METTL14: variants seen among roughly 807,000 people sequenced by gnomAD.
The protein encoded by METTL14 is methyltransferase 14, N6-adenosine-methyltransferase non-catalytic subunit, also known as N(6)-adenosine-methyltransferase non-catalytic subunit METTL14.
A neutral mutation model predicts 62.4 loss-of-function variants in METTL14; 32 were observed. That is an observed-to-expected ratio of 0.51 (90% CI 0.39 to 0.69). The LOEUF (loss-of-function observed/expected upper bound fraction) is 0.69. Among genes scored for constraint, METTL14 ranks in the 30% least tolerant of loss-of-function variants. The probability of loss-of-function intolerance (pLI) is 0.00; values close to 1 mark genes in which losing one functional copy is unlikely to be tolerated. For synonymous variants in METTL14, 150 were observed against 180.0 expected, an observed-to-expected ratio of 0.83 and a Z score of 1.34; for missense variants, 340 against 551.9, an observed-to-expected ratio of 0.62 and a Z score of 3.85.
Position 118,685,803 on chromosome 4 carries a change from G to T in METTL14, c.66+203G>T, listed in dbSNP as rs541904840. Among the ~76,000 whole-genome samples, 8 of 152,114 alleles carry T rather than the reference G, an allele frequency of 5.3e-5. No individual in the cohort carries two copies. The East Asian group carries it at 1.2e-3, about 22-fold the overall frequency. The stretch of plus-strand genomic sequence containing the variant: ...CGAATGTTTTTCCAGTTCCTTCCGC[G>T]GTCTTTGTGGTGCTAAACCGAATGC... On this transcript the variant is annotated intron_variant, in intron 1 of 10. Transcript: ENST00000388822.
At chr4:118,694,374 T>C in intron 5 of METTL14, 62 bp from the exon 6 acceptor site, 1 of 1,354,080 alleles carries the variant, frequency 7.4e-7, no homozygotes, top group Non-Finnish European at 1.0e-6. Flanking sequence ...CTCATAACTT[T>C]TGAATTACTG....
Position 118,715,168 on chromosome 4 carries a change from C to A in METTL14, c.*4866C>A, listed in dbSNP as rs1222320088. On this transcript the variant is annotated 3_prime_UTR_variant, in exon 11 of 11. Coordinates refer to ENST00000388822, the MANE Select transcript of METTL14 (RefSeq NM_020961.4). The stretch of plus-strand genomic sequence containing the variant: ...TCACAAAATACACCTTTTAGATAAT[C>A]CTTACCTGTACAGATTTTTATAACT... The A allele has an allele frequency of 5.3e-5, 8 of 152,176 alleles. No individual in the cohort carries two copies. Among genetic ancestry groups the A allele is most frequent in the Admixed American group, 2.6e-4 (4 of 15,282 alleles). 9.4% of individuals were successfully genotyped at this position (152,176 alleles called of 1,614,324 possible). A position where few individuals can be genotyped will look rare whatever the true frequency, so the allele number is the denominator to read the frequency against.
intron 9 of METTL14, 50 bp downstream of exon 9, chr4:118,704,101 A>G: frequency 8.7e-7 from 1 of 1,143,440 alleles, no homozygotes; most frequent in Non-Finnish European, 1.3e-6. Flanking sequence ...TTTTCTCTCA[A>G]GCTTTTCCAA....
intron 9 of METTL14, 90 bp from the exon 10 acceptor site, chr4:118,705,521 T>G: frequency 1.0e-6 from 1 of 994,652 alleles, no homozygotes; most frequent in Non-Finnish European, 1.6e-6. Flanking sequence ...GAAATGAGGA[T>G]TGTTTTAGAA....
intron 7 of METTL14, among the ~76,000 whole-genome samples, chr4:118,699,144 G>A (rs909753963): frequency 3.0e-4 from 46 of 152,238 alleles, no homozygotes; most frequent in African/African-American, 9.2e-4. Flanking sequence ...TGGAAGACGT[G>A]TTTCTTAGGA....
chr4:118,702,443 G>C (rs919301554), intron 8 of METTL14, among the ~76,000 whole-genome samples: 8 of 152,086 alleles, frequency 5.3e-5, no homozygotes, highest in African/African-American at 1.7e-4. Flanking sequence ...TAAATATTTA[G>C]TAACAGGAAC....
intron 6 of METTL14, among the ~76,000 whole-genome samples, chr4:118,695,544 G>A (rs1284532255): frequency 6.6e-6 from 1 of 152,028 alleles, no homozygotes; most frequent in Admixed American, 6.6e-5. Flanking sequence ...GTGAGACTCC[G>A]TATTCTTGAT....
At position 118,685,780 on chromosome 4, in the gene METTL14, A is replaced by G. The variant is rs1724035597; in HGVS notation, c.66+180A>G. Among the ~76,000 whole-genome samples the G allele has an allele frequency of 2.0e-5, 3 of 151,860 alleles. No homozygotes were observed. The South Asian group carries it at 6.3e-4, about 32-fold the overall frequency. On this transcript the variant is annotated intron_variant, in intron 1 of 10. Coordinates refer to ENST00000388822, the MANE Select transcript of METTL14 (RefSeq NM_020961.4). ...AGTTCTCAATTTTCGCGGTGTCCCG[A>G]ATGTTTTTCCAGTTCCTTCCGCGGT...
chr4:118,685,446 T>C lies in METTL14; in HGVS notation c.-89T>C. 1 of 1,332,408 alleles carries C rather than the reference T, an allele frequency of 7.5e-7. No individual in the cohort carries two copies. 82.5% of individuals were successfully genotyped at this position (1,332,408 alleles called of 1,614,324 possible). A position where few individuals can be genotyped will look rare whatever the true frequency, so the allele number is the denominator to read the frequency against. ...ACTCTGTTCGTAAGCTCCCGGTGAA[T>C]TTTGTTCCACAGACTCGGAAGAAAG... On this transcript the variant is annotated 5_prime_UTR_variant, in exon 1 of 11. Coordinates refer to ENST00000388822, the MANE Select transcript of METTL14 (RefSeq NM_020961.4).
intron 10 of METTL14, among the ~76,000 whole-genome samples, chr4:118,707,267 G>A (rs1724782312): frequency 6.6e-6 from 1 of 152,096 alleles, no homozygotes; most frequent in African/African-American, 2.4e-5. Flanking sequence ...TTTAGTATTA[G>A]CTACATGCAA....
At chr4:118,688,684 A>AT (rs1406839008) in intron 2 of METTL14, among the ~76,000 whole-genome samples, 3 of 152,052 alleles carry the variant, frequency 2.0e-5, no homozygotes, top group Non-Finnish European at 4.4e-5. Context: ...ATATTTAAAC[A>AT]TTTTTTTGGA....
intron 3 of METTL14, 88 bp from the exon 4 acceptor site, chr4:118,691,444 G>T: frequency 1.5e-6 from 1 of 670,510 alleles, no homozygotes; most frequent in Non-Finnish European, 2.4e-6. Context: ...AAATCTTAAG[G>T]AAATAAAATA....
At chr4:118,693,114 G>C (rs142910648) in intron 5 of METTL14, among the ~76,000 whole-genome samples, 1 of 152,058 alleles carries the variant, frequency 6.6e-6, no homozygotes, top group Non-Finnish European at 1.5e-5. Context: ...TACTAACAAC[G>C]TATGATGGTT....
intron 7 of METTL14, among the ~76,000 whole-genome samples, chr4:118,698,079 T>G (rs1724470835): frequency 6.6e-6 from 1 of 152,010 alleles, no homozygotes; most frequent in Non-Finnish European, 1.5e-5. Context: ...TCTGAAGACG[T>G]TAATAAGTCT....
intron 8 of METTL14, among the ~76,000 whole-genome samples, chr4:118,701,269 G>A (rs1385572450): frequency 6.9e-6 from 1 of 144,870 alleles, no homozygotes; most frequent in Non-Finnish European, 1.5e-5. Flanking sequence ...CTGTAGCCTC[G>A]ACCTCCTGGA....
At chr4:118,702,708 G>A (rs544120917) in intron 8 of METTL14, among the ~76,000 whole-genome samples, 7 of 152,054 alleles carry the variant, frequency 4.6e-5, no homozygotes, top group African/African-American at 7.2e-5. Flanking sequence ...CCTGAGAGGC[G>A]GAGGTTGCAG....
chr4:118,706,834 T>C (rs943657032), intron 10 of METTL14, among the ~76,000 whole-genome samples: 2 of 152,220 alleles, frequency 1.3e-5, no homozygotes, highest in Non-Finnish European at 2.9e-5. Context: ...TGACATATGA[T>C]GTAGAACCTC....
At chr4:118,700,285 A>G (rs1345747726) in intron 7 of METTL14, among the ~76,000 whole-genome samples, 1 of 152,186 alleles carries the variant, frequency 6.6e-6, no homozygotes, top group Non-Finnish European at 1.5e-5. Context: ...GTCTATAGCT[A>G]TTGTTTCCTA....
intron 1 of METTL14, 48 bp downstream of exon 1, chr4:118,685,648 C>T (rs772713186): frequency 3.9e-6 from 6 of 1,540,290 alleles, no homozygotes; most frequent in East Asian, 4.6e-5. Flanking sequence ...AATGCGAGTG[C>T]GCGGCCGCCT....
Sources: gnomAD v4.1 joint callset for allele counts (sites outside exome capture counted in the v4.1 genomes callset) on GRCh38, gnomAD v4.1.1 for gene constraint, MANE v1.5 for transcripts, NCBI Gene and HGNC (gene_info 2026-07-23, HGNC 2026-07-21) for gene names.